Variants in AFF3 observed in about 807,000 individuals in gnomAD.
AFF3 encodes ALF transcription elongation factor 3, also known as AF4/FMR2 family member 3.
In AFF3, 32 loss-of-function variants were observed where a neutral mutation model predicts 129.7. The observed-to-expected ratio is 0.25, with a 90% CI of 0.19 to 0.33. The LOEUF (loss-of-function observed/expected upper bound fraction) is 0.33, where lower values mean the gene tolerates loss of function less well. AFF3 is among the 10% of genes least tolerant of loss of function. AFF3 has a pLI of 1.00. For synonymous variants in AFF3, 644 were observed against 635.4 expected, an observed-to-expected ratio of 1.01 and a Z score of -0.20; for missense variants, 1,373 against 1,592.0, an observed-to-expected ratio of 0.86 and a Z score of 2.34.
chr2:99,605,368 TA>T (rs1680226514), intron 13 of AFF3, among the ~76,000 whole-genome samples: 1 of 152,198 alleles, frequency 6.6e-6, no homozygotes, highest in African/African-American at 2.4e-5. Flanking sequence ...AGAGCATGCA[TA>T]ATATCCAGAA....
At chr2:99,557,168 T>C (rs1191082792) in intron 22 of AFF3, among the ~76,000 whole-genome samples, 1 of 152,104 alleles carries the variant, frequency 6.6e-6, no homozygotes, top group Non-Finnish European at 1.5e-5. Context: ...TATACATAAG[T>C]ACACGCAATT....
intron 11 of AFF3, among the ~76,000 whole-genome samples, chr2:99,691,592 T>C (rs1329429706): frequency 6.6e-6 from 1 of 152,204 alleles, no homozygotes; most frequent in Non-Finnish European, 1.5e-5. Context: ...GCTTTAGTGA[T>C]TATCAAGACC....
At chr2:99,998,167 G>A (rs757310266) in intron 7 of AFF3, among the ~76,000 whole-genome samples, 4 of 152,232 alleles carry the variant, frequency 2.6e-5, no homozygotes, top group African/African-American at 7.2e-5. Context: ...TAAGGACCTC[G>A]TAGGTACGAA....
chr2:100,073,653 C>T (rs562231464), intron 4 of AFF3, among the ~76,000 whole-genome samples: 1 of 152,330 alleles, frequency 6.6e-6, no homozygotes, highest in South Asian at 2.1e-4. Flanking sequence ...AACTAAGACA[C>T]TAACCTCTTT....
At chr2:99,554,160 T>TTTTGAAC (rs1270383478) in intron 24 of AFF3, 151 bp downstream of exon 24, 2 of 783,352 alleles carry the variant, frequency 2.6e-6, no homozygotes, top group Non-Finnish European at 4.1e-6. Flanking sequence ...TTTGAACTAG[T>TTTTGAAC]TAGTGACATG....
intron 7 of AFF3, among the ~76,000 whole-genome samples, chr2:99,963,731 G>C (rs1189132716): frequency 6.6e-6 from 1 of 151,662 alleles, no homozygotes; most frequent in East Asian, 1.9e-4. Context: ...AGAAACAGAA[G>C]AATGAGGAGT....
At chr2:99,883,622 G>A (rs1257618727) in intron 7 of AFF3, among the ~76,000 whole-genome samples, 2 of 152,182 alleles carry the variant, frequency 1.3e-5, no homozygotes. Flanking sequence ...GGCAAGCCAT[G>A]ATTTCATGGA....
chr2:100,021,405 T>C (rs559465294), intron 4 of AFF3, among the ~76,000 whole-genome samples: 2 of 152,208 alleles, frequency 1.3e-5, no homozygotes, highest in Non-Finnish European at 2.9e-5. Flanking sequence ...AAATATGTGG[T>C]AAATGAACGT....
intron 8 of AFF3, among the ~76,000 whole-genome samples, chr2:99,798,555 A>G (rs1685709179): frequency 6.6e-6 from 1 of 151,980 alleles, no homozygotes; most frequent in Admixed American, 6.6e-5. Flanking sequence ...ATTATATGCT[A>G]TTTATAAGAA....
intron 7 of AFF3, among the ~76,000 whole-genome samples, chr2:99,880,765 G>A (rs1692649714): frequency 6.6e-6 from 1 of 152,184 alleles, no homozygotes; most frequent in Non-Finnish European, 1.5e-5. Context: ...TGTAGGCTGG[G>A]CAAGGAGATC....
At chr2:100,070,240 G>A (rs549493361) in intron 4 of AFF3, among the ~76,000 whole-genome samples, 18 of 152,092 alleles carry the variant, frequency 1.2e-4, no homozygotes, top group African/African-American at 3.9e-4. Flanking sequence ...ACGTGGTTGC[G>A]TAAGCACATC....
intron 4 of AFF3, among the ~76,000 whole-genome samples, chr2:100,039,242 T>C (rs1052524534): frequency 2.0e-5 from 3 of 152,138 alleles, no homozygotes; most frequent in Admixed American, 2.0e-4. Context: ...AGACCTGATG[T>C]CCAGAATTTT....
chr2:99,629,631 A>G (rs960266038), intron 13 of AFF3, among the ~76,000 whole-genome samples: 8 of 152,222 alleles, frequency 5.3e-5, no homozygotes, highest in Non-Finnish European at 1.2e-4. Flanking sequence ...CTATAACAAA[A>G]TACCATAGAC....
At chr2:99,710,407 C>T (rs1379256976) in intron 11 of AFF3, among the ~76,000 whole-genome samples, 3 of 152,134 alleles carry the variant, frequency 2.0e-5, no homozygotes, top group Non-Finnish European at 4.4e-5. Context: ...CAGGCGTGCG[C>T]TACCATGCCC....
chr2:100,058,570 CT>C (rs563706364), intron 4 of AFF3, among the ~76,000 whole-genome samples: 90 of 151,422 alleles, frequency 5.9e-4, no homozygotes, highest in Admixed American at 1.4e-3. Flanking sequence ...CGAAGTCTTT[CT>C]TTTTTTTTGG....
chr2:100,137,533 G>GCATA lies in AFF3; in HGVS notation c.-228+4947_-228+4950dup, dbSNP rs1335091538. Among the ~76,000 whole-genome samples the GCATA allele has an allele frequency of 7.9e-5, 10 of 126,936 alleles. No individual in the cohort carries two copies. In the South Asian group the frequency reaches 2.6e-3, roughly 33 times the overall value. The allele number at this position is 126,936 out of a possible 152,430, so 83.3% of individuals were successfully genotyped here. A position where few individuals can be genotyped will look rare whatever the true frequency, so the allele number is the denominator to read the frequency against. ...CGTGCATGTGTGCACGTGCACACGT[G>GCATA]CATACACACACACACACACACACAC... is the stretch of plus-strand genomic sequence containing the variant. On this transcript the variant is annotated intron_variant, in intron 1 of 24. Transcript: ENST00000672756.
intron 23 of AFF3, 50 bp downstream of exon 23, chr2:99,554,633 C>G: frequency 1.2e-6 from 2 of 1,613,236 alleles, no homozygotes. Context: ...AGTGGCCCAG[C>G]ACCATGCATT....
chr2:99,605,111 C>CA (rs1454002953), intron 13 of AFF3, among the ~76,000 whole-genome samples: 1 of 152,202 alleles, frequency 6.6e-6, no homozygotes, highest in Non-Finnish European at 1.5e-5. Flanking sequence ...AGTGATGAGG[C>CA]ACACTAGCCC....
At chr2:99,607,682 C>T (rs1680507635) in intron 13 of AFF3, among the ~76,000 whole-genome samples, 1 of 152,226 alleles carries the variant, frequency 6.6e-6, no homozygotes, top group Non-Finnish European at 1.5e-5. Context: ...GAGAGAGGCT[C>T]TCTGCCTGGT....
Sources: gnomAD v4.1 joint callset for allele counts (sites outside exome capture counted in the v4.1 genomes callset) on GRCh38, gnomAD v4.1.1 for gene constraint, MANE v1.5 for transcripts, NCBI Gene and HGNC (gene_info 2026-07-23, HGNC 2026-07-21) for gene names.